The following NXPH2 variants were observed in gnomAD, a reference collection of about 807,000 sequenced individuals.
The protein encoded by NXPH2 is neurexophilin-2.
Under a neutral mutation model 19.8 loss-of-function variants are expected in NXPH2, and 5 were observed. The observed-to-expected ratio is 0.25, with a 90% CI of 0.13 to 0.53. NXPH2 has a LOEUF of 0.53. NXPH2 is among the 20% of genes least tolerant of loss of function. NXPH2 has a pLI of 0.96. For synonymous variants in NXPH2, 154 were observed against 127.4 expected, an observed-to-expected ratio of 1.21 and a Z score of -1.41; for missense variants, 289 against 322.8, an observed-to-expected ratio of 0.90 and a Z score of 0.80.
intron 1 of NXPH2, among the ~76,000 whole-genome samples, chr2:138,720,490 C>A (rs893316446): frequency 6.6e-6 from 1 of 152,190 alleles, no homozygotes; most frequent in Non-Finnish European, 1.5e-5. Flanking sequence ...GCTGACTGCC[C>A]CAGGACTGTT....
rs775554563 is a variant in NXPH2, at chr2:138,671,171, G to C, written c.546C>G (p.Ser182=). 1 of 1,613,876 alleles carries C rather than the reference G, an allele frequency of 6.2e-7. No homozygotes were observed. Among genetic ancestry groups the C allele is most frequent in the South Asian group, 1.1e-5 (1 of 91,074 alleles). Residue 182 remains serine (S), a synonymous_variant, in exon 2 of 2, where the codon TCC becomes TCG. Transcript: ENST00000272641. Reference sequence around the variant, plus strand: ...ACTCAATGCGACAATTGAAAGATTTGGATTCCTTGGTCTCCAAGGTAGACT... The same window carrying C: ...ACTCAATGCGACAATTGAAAGATTTCGATTCCTTGGTCTCCAAGGTAGACT... ...SPQSTLETKE[S]KSFNCRIEYE...
chr2:138,707,070 T>C (rs1430221037), intron 1 of NXPH2, among the ~76,000 whole-genome samples: 1 of 65,932 alleles, frequency 1.5e-5, no homozygotes, highest in African/African-American at 4.1e-5. Context: ...GATTGGAAGA[T>C]GACTTTAAGT....
At chr2:138,778,576 C>T (rs1412189778) in intron 1 of NXPH2, among the ~76,000 whole-genome samples, 1 of 152,176 alleles carries the variant, frequency 6.6e-6, no homozygotes, top group African/African-American at 2.4e-5. Context: ...AGCAGATACA[C>T]AGTTCATATT....
At chr2:138,697,424 G>C (rs1680845042) in intron 1 of NXPH2, among the ~76,000 whole-genome samples, 1 of 151,890 alleles carries the variant, frequency 6.6e-6, no homozygotes, top group African/African-American at 2.4e-5. Flanking sequence ...ATTCACAATG[G>C]TAAGAATATA....
chr2:138,711,920 T>G lies in NXPH2; in HGVS notation c.52-40255A>C, dbSNP rs75617955. On this transcript the variant is annotated intron_variant, in intron 1 of 1. Coordinates refer to ENST00000272641, the MANE Select transcript of NXPH2 (RefSeq NM_007226.3). ...CTGGTCTGGCACAGTTTGTACCATT[T>G]GGCTTATGTTTAGTTTCATCTAAAG... 7.1e-4 allele frequency among the ~76,000 whole-genome samples: 108 copies of G among 152,376 alleles called. 1 individual carries two copies. The highest frequency in any genetic ancestry group is 9.8e-4 in the Non-Finnish European group (67 of 68,036).
chr2:138,735,479 T>C (rs1681525454), intron 1 of NXPH2, among the ~76,000 whole-genome samples: 1 of 152,140 alleles, frequency 6.6e-6, no homozygotes, highest in South Asian at 2.1e-4. Context: ...TGAGACTTAT[T>C]CACTATCACA....
intron 1 of NXPH2, among the ~76,000 whole-genome samples, chr2:138,722,268 C>G (rs1307943985): frequency 6.6e-6 from 1 of 152,234 alleles, no homozygotes; most frequent in African/African-American, 2.4e-5. Context: ...CATATTTAAA[C>G]ACACACTTGC....
intron 1 of NXPH2, among the ~76,000 whole-genome samples, chr2:138,728,883 T>C (rs1034112396): frequency 2.6e-5 from 4 of 152,244 alleles, no homozygotes; most frequent in African/African-American, 9.6e-5. Flanking sequence ...TCGGGAATCA[T>C]GCAAACACAG....
In NXPH2 at chr2:138,671,043, G is replaced by C. The variant is rs1350962010; in HGVS notation, c.674C>G (p.Ser225Cys). ...QTQSHVSWLC[S>C]KPFKVICIYI... Reference sequence around the variant, plus strand: ...AATGCAAATGACCTTGAAGGGCTTGGAGCACAACCAAGACACATGGCTCTG... The same window carrying C: ...AATGCAAATGACCTTGAAGGGCTTGCAGCACAACCAAGACACATGGCTCTG... The change falls in exon 2 of 2, where the codon TCC becomes TGC. Residue 225 changes from serine to cysteine, a missense_variant. Transcript: ENST00000272641. The C allele has an allele frequency of 6.2e-7, 1 of 1,613,864 alleles. No homozygotes were observed. The highest frequency in any genetic ancestry group is 1.3e-5 in the African/African-American group (1 of 74,922).
intron 1 of NXPH2, among the ~76,000 whole-genome samples, chr2:138,707,384 A>G (rs768213024): frequency 5.3e-5 from 8 of 152,200 alleles, no homozygotes; most frequent in Non-Finnish European, 1.2e-4. Flanking sequence ...AACCTTCAGC[A>G]TTTAAGTTTA....
intron 1 of NXPH2, among the ~76,000 whole-genome samples, chr2:138,727,354 A>C (rs1022964132): frequency 1.3e-5 from 2 of 152,206 alleles, no homozygotes; most frequent in African/African-American, 4.8e-5. Flanking sequence ...CCCAGCAACG[A>C]ATGAAAATTC....
At chr2:138,773,206 G>A (rs553053238) in intron 1 of NXPH2, among the ~76,000 whole-genome samples, 1 of 152,308 alleles carries the variant, frequency 6.6e-6, no homozygotes, top group African/African-American at 2.4e-5. Context: ...CAACAGGGTA[G>A]GAACTGAGAT....
chr2:138,769,708 A>G (rs561016499), intron 1 of NXPH2, among the ~76,000 whole-genome samples: 1 of 152,196 alleles, frequency 6.6e-6, no homozygotes, highest in African/African-American at 2.4e-5. Flanking sequence ...GGCAGCTACC[A>G]GGAGGCTCCC....
intron 1 of NXPH2, among the ~76,000 whole-genome samples, chr2:138,764,648 T>C (rs568269274): frequency 1.3e-5 from 2 of 152,250 alleles, no homozygotes; most frequent in South Asian, 4.1e-4. Context: ...AATAGGACTA[T>C]CTATCTATCT....
At chr2:138,751,418 T>C (rs1681827785) in intron 1 of NXPH2, among the ~76,000 whole-genome samples, 1 of 152,198 alleles carries the variant, frequency 6.6e-6, no homozygotes, top group Non-Finnish European at 1.5e-5. Flanking sequence ...TCATCTCAAA[T>C]AACTATGTGC....
At chr2:138,738,751 C>T (rs946574533) in intron 1 of NXPH2, among the ~76,000 whole-genome samples, 1 of 152,196 alleles carries the variant, frequency 6.6e-6, no homozygotes, top group African/African-American at 2.4e-5. Context: ...CCTGAATTTG[C>T]TCCCCTTGCT....
At chr2:138,710,694 C>T (rs1681091611) in intron 1 of NXPH2, among the ~76,000 whole-genome samples, 1 of 152,162 alleles carries the variant, frequency 6.6e-6, no homozygotes, top group South Asian at 2.1e-4. Flanking sequence ...TTACCACTCT[C>T]AGGCCTACAG....
intron 1 of NXPH2, among the ~76,000 whole-genome samples, chr2:138,736,285 C>T (rs984193202): frequency 2.6e-5 from 4 of 152,336 alleles, no homozygotes; most frequent in East Asian, 1.9e-4. Flanking sequence ...CAAACTTCTG[C>T]CTGGGCATCC....
chr2:138,745,201 C>T (rs980342383), intron 1 of NXPH2, among the ~76,000 whole-genome samples: 4 of 152,132 alleles, frequency 2.6e-5, no homozygotes, highest in Admixed American at 1.3e-4. Context: ...CATCTTAATG[C>T]TACAAAGGAG....
Sources: allele counts gnomAD v4.1 joint callset (sites outside exome capture counted in the v4.1 genomes callset), GRCh38; gene constraint gnomAD v4.1.1; transcripts MANE v1.5; gene names NCBI Gene and HGNC (gene_info 2026-07-23, HGNC 2026-07-21).